The following PPP4R3A variants were observed in gnomAD, a reference collection of about 807,000 sequenced individuals.
PPP4R3A encodes serine/threonine-protein phosphatase 4 regulatory subunit 3A.
Under a neutral mutation model 91.7 loss-of-function variants are expected in PPP4R3A, and 15 were observed. The ratio of observed to expected loss-of-function variants is 0.16; its 90% CI spans 0.11 to 0.25. The LOEUF is 0.25. Among genes scored for constraint, PPP4R3A ranks in the 10% least tolerant of loss-of-function variants. The pLI is 1.00. For synonymous variants in PPP4R3A, 377 were observed against 348.7 expected (o/e 1.08, Z -0.91); for missense variants, 623 against 998.4 (o/e 0.62, Z 5.07).
At chr14:91,497,605 A>G (rs1230462710) in intron 1 of PPP4R3A, among the ~76,000 whole-genome samples, 1 of 152,216 alleles carries the variant, frequency 6.6e-6, no homozygotes, top group Non-Finnish European at 1.5e-5. Context: ...TCTAATGTCT[A>G]CTAATTGATA....
At chr14:91,460,893 A>C (rs1888108610) in intron 14 of PPP4R3A, among the ~76,000 whole-genome samples, 1 of 152,184 alleles carries the variant, frequency 6.6e-6, no homozygotes, top group Non-Finnish European at 1.5e-5. Context: ...TGCTGGGATT[A>C]CAGGCGTGAG....
At chr14:91,476,549 G>A in intron 5 of PPP4R3A, 25 bp from the exon 6 acceptor site, 1 of 1,431,580 alleles carries the variant, frequency 7.0e-7, no homozygotes, top group Admixed American at 2.0e-5. Context: ...AAGGATAAGT[G>A]ATATAAAAAG....
At chr14:91,484,967 G>A (rs184386514) in intron 3 of PPP4R3A, among the ~76,000 whole-genome samples, 90 of 152,056 alleles carry the variant, frequency 5.9e-4, no homozygotes, top group Non-Finnish European at 1.1e-3. Context: ...CGAGCCTAGA[G>A]GCACGGTAAG....
intron 1 of PPP4R3A, among the ~76,000 whole-genome samples, chr14:91,507,385 T>TG (rs1891387162): frequency 1.8e-5 from 1 of 55,246 alleles, no homozygotes; most frequent in African/African-American, 4.5e-5. Context: ...ATATATACTA[T>TG]ATAGTATATG....
At chr14:91,501,399 G>A (rs1219185338) in intron 1 of PPP4R3A, among the ~76,000 whole-genome samples, 1 of 152,142 alleles carries the variant, frequency 6.6e-6, no homozygotes, top group Non-Finnish European at 1.5e-5. Context: ...TTAAGGCAGG[G>A]ACTTATGTAC....
intron 11 of PPP4R3A, among the ~76,000 whole-genome samples, 187 bp downstream of exon 11, chr14:91,465,063 A>G (rs890936916): frequency 2.6e-5 from 4 of 152,014 alleles, no homozygotes; most frequent in Non-Finnish European, 2.9e-5. Context: ...GACCCCTGCT[A>G]TAACAGATTT....
chr14:91,496,781 A>G (rs1005228944), intron 1 of PPP4R3A, among the ~76,000 whole-genome samples: 1 of 152,194 alleles, frequency 6.6e-6, no homozygotes, highest in African/African-American at 2.4e-5. Context: ...AGGCTAGAAC[A>G]CCGGAAAGTC....
chr14:91,463,574 T>C (rs888198942), intron 11 of PPP4R3A, among the ~76,000 whole-genome samples: 1 of 151,412 alleles, frequency 6.6e-6, no homozygotes, highest in Non-Finnish European at 1.5e-5. Context: ...GCTAGGACTA[T>C]CGGCATGCAC....
intron 5 of PPP4R3A, 96 bp downstream of exon 5, chr14:91,476,813 C>T (rs1889236419): frequency 1.9e-6 from 2 of 1,034,364 alleles, no homozygotes; most frequent in African/African-American, 1.6e-5. Flanking sequence ...GATCCACCCA[C>T]CTCGGCCTCC....
intron 2 of PPP4R3A, among the ~76,000 whole-genome samples, chr14:91,490,484 T>A (rs953629588): frequency 1.3e-5 from 2 of 152,106 alleles, no homozygotes; most frequent in African/African-American, 4.8e-5. Context: ...GTCACCTTTT[T>A]TTTTTAGGTA....
intron 2 of PPP4R3A, among the ~76,000 whole-genome samples, chr14:91,487,813 C>G (rs548159243): frequency 1.1e-4 from 16 of 152,288 alleles, no homozygotes; most frequent in African/African-American, 3.1e-4. Flanking sequence ...CTTCCCTGGG[C>G]TCAGGTGGTC....
chr14:91,471,036 A>C lies in PPP4R3A; in HGVS notation c.1502-41T>G. The C allele has an allele frequency of 3.3e-6, 5 of 1,527,692 alleles. No homozygotes were observed. The South Asian group carries it at 6.4e-5, about 19-fold the overall frequency. The allele number at this position is 1,527,692 out of a possible 1,614,324, so 94.6% of individuals were successfully genotyped here. On this transcript the variant is annotated intron_variant, in intron 9 of 14. Transcript: ENST00000554943. Reference sequence around the variant, plus strand: ...CACAACTAATTATATTTAATGACTAACATTTTTCCTTCTAAAATGTAAGAA... The same window carrying C: ...CACAACTAATTATATTTAATGACTACCATTTTTCCTTCTAAAATGTAAGAA...
chr14:91,506,955 T>C (rs1891330113), intron 1 of PPP4R3A, among the ~76,000 whole-genome samples: 1 of 152,202 alleles, frequency 6.6e-6, no homozygotes, highest in South Asian at 2.1e-4. Flanking sequence ...AGTCATTTTG[T>C]TTTAGTCATT....
At chr14:91,470,698 C>A (rs1888779879) in intron 10 of PPP4R3A, 139 bp downstream of exon 10, 1 of 913,904 alleles carries the variant, frequency 1.1e-6, no homozygotes, top group Non-Finnish European at 1.6e-6. Flanking sequence ...ACATGGCAAA[C>A]CTGCATAATC....
chr14:91,459,136 G>A (rs1887963114), intron 14 of PPP4R3A, among the ~76,000 whole-genome samples: 1 of 151,854 alleles, frequency 6.6e-6, no homozygotes, highest in African/African-American at 2.4e-5. Flanking sequence ...TCGGAGTCTC[G>A]CTATGTCACC....
intron 3 of PPP4R3A, among the ~76,000 whole-genome samples, chr14:91,483,566 A>G (rs1486176378): frequency 1.3e-5 from 2 of 152,238 alleles, no homozygotes; most frequent in African/African-American, 2.4e-5. Flanking sequence ...ACCAAATGAA[A>G]AGAGAGGAGT....
At chr14:91,489,868 T>G (rs1311184350) in intron 2 of PPP4R3A, among the ~76,000 whole-genome samples, 1 of 152,124 alleles carries the variant, frequency 6.6e-6, no homozygotes, top group African/African-American at 2.4e-5. Context: ...TATTTAGGAG[T>G]TGACACCAGC....
chr14:91,475,844 A>T lies in PPP4R3A; in HGVS notation c.1233T>A (p.Ser411Arg), dbSNP rs1889170740. ...TTATTTTTTGCTCTGTTAACTTCTT[A>T]CTTACATCATCATTCTGTTGTGCCT... Reference protein sequence around the residue: ...MQEAQQNDDVSKKLTEQKITS... With the variant: ...MQEAQQNDDVRKKLTEQKITS... The change falls in exon 7 of 15, where the codon AGT becomes AGA. Residue 411 changes from serine to arginine, a missense_variant. This residue lies in a region of PPP4R3A where 264 missense variants were observed against 377.3 expected (regional missense o/e 0.70). Coordinates refer to ENST00000554943, the MANE Select transcript of PPP4R3A (RefSeq NM_001366432.2). 1.4e-5 allele frequency: 23 copies of T among 1,613,680 alleles called. No individual in the cohort carries two copies. The highest frequency in any genetic ancestry group is 1.8e-5 in the Non-Finnish European group (21 of 1,179,922).
upstream of PPP4R3A, chr14:91,510,433 AG>A (rs1891735921): frequency 6.5e-6 from 1 of 152,752 alleles, no homozygotes; most frequent in Non-Finnish European, 1.5e-5. Flanking sequence ...GCGGGCGCGG[AG>A]TTGCCGAGGT....
Sources: gnomAD v4.1 joint callset for allele counts (sites outside exome capture counted in the v4.1 genomes callset) on GRCh38, gnomAD v4.1.1 for gene constraint, gnomAD v4.1.1 regional missense constraint, MANE v1.5 for transcripts, NCBI Gene and HGNC (gene_info 2026-07-23, HGNC 2026-07-21) for gene names.